PLXNA4: variants seen among roughly 807,000 people sequenced by gnomAD.
The protein encoded by PLXNA4 is plexin-A4.
A neutral mutation model predicts 191.8 loss-of-function variants in PLXNA4; 44 were observed. The ratio of observed to expected loss-of-function variants is 0.23; its 90% confidence interval spans 0.18 to 0.29. The LOEUF is 0.29. PLXNA4 is among the 10% of genes least tolerant of loss of function. The pLI, the probability that PLXNA4 is intolerant of heterozygous loss-of-function variation, is 1.00. For synonymous variants in PLXNA4, 1,082 were observed against 1,009.5 expected (o/e 1.07, Z -1.36); for missense variants, 1,800 against 2,488.8 (o/e 0.72, Z 5.89).
chr7:132,453,607 T>A (rs1004170151), intron 3 of PLXNA4, among the ~76,000 whole-genome samples: 3 of 151,838 alleles, frequency 2.0e-5, no homozygotes, highest in Non-Finnish European at 4.4e-5. Context: ...AGTGGCGCAA[T>A]CTCGGCTCAC....
At chr7:132,148,270 C>G (rs537658840) in intron 26 of PLXNA4, among the ~76,000 whole-genome samples, 1 of 152,270 alleles carries the variant, frequency 6.6e-6, no homozygotes, top group Non-Finnish European at 1.5e-5. Context: ...GAAGATGACC[C>G]AGCCTTAAAT....
At chr7:132,369,303 C>T (rs1804327853) in intron 3 of PLXNA4, among the ~76,000 whole-genome samples, 1 of 152,190 alleles carries the variant, frequency 6.6e-6, no homozygotes, top group Admixed American at 6.5e-5. Flanking sequence ...TATCACCAGA[C>T]CCCTTGCTGA....
chr7:132,142,746 C>T (rs980111386), intron 29 of PLXNA4, among the ~76,000 whole-genome samples: 8 of 152,220 alleles, frequency 5.3e-5, no homozygotes, highest in African/African-American at 1.7e-4. Context: ...ATTCCAGCTG[C>T]CCAGCCTTCC....
intron 2 of PLXNA4, among the ~76,000 whole-genome samples, chr7:132,631,776 A>G (rs1469199268): frequency 3.3e-5 from 5 of 152,198 alleles, no homozygotes; most frequent in African/African-American, 1.2e-4. Flanking sequence ...TACATGTCCA[A>G]GCCAATGCTA....
At chr7:132,633,340 T>C (rs576379293) in intron 2 of PLXNA4, among the ~76,000 whole-genome samples, 13 of 150,862 alleles carry the variant, frequency 8.6e-5, no homozygotes, top group Admixed American at 1.3e-4. Flanking sequence ...TGGAGTGCAG[T>C]GGTTCGATCT....
chr7:132,170,077 G>A (rs1216518227), intron 21 of PLXNA4, among the ~76,000 whole-genome samples: 1 of 152,056 alleles, frequency 6.6e-6, no homozygotes, highest in Non-Finnish European at 1.5e-5. Flanking sequence ...GCAGTAACGA[G>A]CCTGGTTTCA....
chr7:132,511,497 CA>C (rs1798713689), intron 1 of PLXNA4, among the ~76,000 whole-genome samples: 1 of 152,190 alleles, frequency 6.6e-6, no homozygotes, highest in South Asian at 2.1e-4. Context: ...CTACCAGTAT[CA>C]TGAGAAAAAC....
chr7:132,171,677 G>T (rs1364215659), intron 21 of PLXNA4, among the ~76,000 whole-genome samples: 1 of 152,138 alleles, frequency 6.6e-6, no homozygotes, highest in Non-Finnish European at 1.5e-5. Context: ...TGGGAAGCAG[G>T]TCTGGGGCCC....
At chr7:132,643,514 C>G (rs971856108) in intron 2 of PLXNA4, among the ~76,000 whole-genome samples, 1 of 151,956 alleles carries the variant, frequency 6.6e-6, no homozygotes, top group Non-Finnish European at 1.5e-5. Context: ...GAAATTCCAG[C>G]CCAGTCTCAG....
At chr7:132,273,624 T>C (rs1387319658) in intron 4 of PLXNA4, among the ~76,000 whole-genome samples, 1 of 152,200 alleles carries the variant, frequency 6.6e-6, no homozygotes, top group Non-Finnish European at 1.5e-5. Flanking sequence ...GGGAAGCTGA[T>C]GGCCATAGTG....
At chr7:132,221,371 GC>G (rs1407176739) in intron 9 of PLXNA4, among the ~76,000 whole-genome samples, 5 of 152,322 alleles carry the variant, frequency 3.3e-5, no homozygotes, top group Admixed American at 6.5e-5. Flanking sequence ...TAGAACCTCT[GC>G]CAGATATGGC....
At chr7:132,453,419 A>C (rs1241703182) in intron 3 of PLXNA4, among the ~76,000 whole-genome samples, 5 of 152,006 alleles carry the variant, frequency 3.3e-5, no homozygotes, top group Non-Finnish European at 4.4e-5. Flanking sequence ...AGCTCTATTG[A>C]CTCAGAAACT....
At position 132,227,527 on chromosome 7, in the gene PLXNA4, A is replaced by C. The variant is rs1798369305; in HGVS notation, c.1806T>G (p.Asp602Glu). Residue 602 changes from aspartate to glutamate, a missense_variant, in exon 7 of 32, where the codon GAT becomes GAG. By Grantham distance (45) the Asp-to-Glu change is conservative. This residue lies in a region of PLXNA4 where 1,397 missense variants were observed against 1,880.4 expected (regional missense o/e 0.74). Transcript: ENST00000321063. ...GGATCTGATTGCCCACGACCAGCCC[A>C]TCCATCTCTGACAGGTCCTCAAAGG... ...NCTFEDLSEM[D>E]GLVVGNQIQC... is the part of the protein sequence containing the mutation. 9 of 1,614,030 alleles carry C rather than the reference A, an allele frequency of 5.6e-6. No homozygotes were observed. The highest frequency in any genetic ancestry group is 7.6e-6 in the Non-Finnish European group (9 of 1,180,046).
chr7:132,135,027 G>A (rs1795072881), intron 30 of PLXNA4, among the ~76,000 whole-genome samples: 1 of 152,186 alleles, frequency 6.6e-6, no homozygotes, highest in South Asian at 2.1e-4. Flanking sequence ...TTTCTGGAAT[G>A]CAATAAATGC....
At position 132,179,873 on chromosome 7, in the gene PLXNA4, G is replaced by A. The variant is rs771687932; in HGVS notation, c.3688C>T (p.Pro1230Ser). 7.4e-6 allele frequency: 12 copies of A among 1,613,040 alleles called. No individual in the cohort carries two copies. The highest frequency in any genetic ancestry group is 1.0e-5 in the Non-Finnish European group (12 of 1,179,964). The change falls in exon 20 of 32, where the codon CCG becomes TCG. Residue 1230 changes from proline (P) to serine (S), a missense_variant. By Grantham distance (74) the Pro-to-Ser change is moderately conservative (BLOSUM62 -1). This residue lies in a region of PLXNA4 where 1,397 missense variants were observed against 1,880.4 expected (regional missense o/e 0.74). Transcript: ENST00000321063. ...GCGGGCAGGCTGAGCGGGCTGTCCG[G>A]GGCAATGTACACCATCCCCGGGGAG... ...EYSPGMVYIAPDSPLSLPAIV... is the reference protein window; with the variant it reads ...EYSPGMVYIASDSPLSLPAIV...
chr7:132,611,292 A>T (rs1426036020), intron 2 of PLXNA4, among the ~76,000 whole-genome samples: 2 of 152,214 alleles, frequency 1.3e-5, no homozygotes, highest in Admixed American at 6.5e-5. Flanking sequence ...GCAAAGTTGC[A>T]TTACTTATCT....
At chr7:132,452,508 C>A (rs1796159626) in intron 3 of PLXNA4, among the ~76,000 whole-genome samples, 1 of 152,198 alleles carries the variant, frequency 6.6e-6, no homozygotes, top group Non-Finnish European at 1.5e-5. Flanking sequence ...ACATGGCACA[C>A]AGTGTTTCTA....
intron 29 of PLXNA4, among the ~76,000 whole-genome samples, chr7:132,141,730 T>TC (rs1248201639): frequency 2.0e-5 from 3 of 151,916 alleles, no homozygotes; most frequent in African/African-American, 4.8e-5. Flanking sequence ...TCCTTTCCTT[T>TC]CTTTCTTTTT....
At chr7:132,210,519 G>T (rs1232283097) in intron 10 of PLXNA4, among the ~76,000 whole-genome samples, 1 of 152,230 alleles carries the variant, frequency 6.6e-6, no homozygotes, top group African/African-American at 2.4e-5. Context: ...CAGCCTCTAT[G>T]TAGGTGTGAA....
Sources: allele counts gnomAD v4.1 joint callset (sites outside exome capture counted in the v4.1 genomes callset), GRCh38; gene constraint gnomAD v4.1.1; regional missense constraint gnomAD v4.1.1; transcripts MANE v1.5; gene names NCBI Gene and HGNC (gene_info 2026-07-23, HGNC 2026-07-21).